MINDY4: variants seen among roughly 807,000 people sequenced by gnomAD.
MINDY4 encodes MINDY lysine 48 deubiquitinase 4, also known as probable ubiquitin carboxyl-terminal hydrolase MINDY-4.
MINDY4 carries 68 observed loss-of-function variants against 87.0 expected under a neutral mutation model. The ratio of observed to expected loss-of-function variants is 0.78; its 90% CI spans 0.64 to 0.96. MINDY4 has a LOEUF of 0.96. Ranked by LOEUF, MINDY4 falls within the 40% of genes least tolerant of loss-of-function variation. The probability of loss-of-function intolerance (pLI) is 0.00; values close to 1 mark genes in which losing one functional copy is unlikely to be tolerated. For synonymous variants in MINDY4, 379 were observed against 363.2 expected, an observed-to-expected ratio of 1.04 and a Z score of -0.50; for missense variants, 919 against 928.2, an observed-to-expected ratio of 0.99 and a Z score of 0.13.
chr7:30,884,794 A>G (rs1448349098), intron 17 of MINDY4, among the ~76,000 whole-genome samples: 3 of 152,118 alleles, frequency 2.0e-5, no homozygotes, highest in Non-Finnish European at 4.4e-5. Flanking sequence ...GCTCAGCTCT[A>G]ATTGACAATT....
chr7:30,890,223 G>A (rs1352301529), intron 17 of MINDY4, among the ~76,000 whole-genome samples: 2 of 152,208 alleles, frequency 1.3e-5, no homozygotes, highest in Non-Finnish European at 2.9e-5. Context: ...TTAACAAGAA[G>A]GTACAATTCA....
At chr7:30,876,834 G>A (rs7802447) in intron 15 of MINDY4, among the ~76,000 whole-genome samples, 33 of 152,134 alleles carry the variant, frequency 2.2e-4, no homozygotes, top group African/African-American at 7.2e-4. Context: ...GAACCAGGAC[G>A]CAGAGATTGA....
intron 5 of MINDY4, among the ~76,000 whole-genome samples, chr7:30,825,885 G>T (rs969058587): frequency 1.3e-5 from 2 of 152,204 alleles, no homozygotes; most frequent in African/African-American, 4.8e-5. Flanking sequence ...GTTCTGGAGG[G>T]CTGAATTTCC....
At chr7:30,815,638 G>A (rs934394773) in intron 5 of MINDY4, among the ~76,000 whole-genome samples, 1 of 152,234 alleles carries the variant, frequency 6.6e-6, no homozygotes, top group Admixed American at 6.5e-5. Flanking sequence ...GAATTTGAGT[G>A]TGTTCCAGAG....
intron 12 of MINDY4, 114 bp downstream of exon 12, chr7:30,853,573 G>T: frequency 1.1e-6 from 1 of 942,628 alleles, no homozygotes; most frequent in Admixed American, 2.0e-5. Context: ...CTGGGATGGC[G>T]AGGAAGCTGG....
chr7:30,864,944 G>A (rs755971007), intron 13 of MINDY4, among the ~76,000 whole-genome samples: 4 of 152,212 alleles, frequency 2.6e-5, no homozygotes, highest in African/African-American at 4.8e-5. Context: ...TGGGTGGTTC[G>A]TGGGGTGAGA....
chr7:30,773,832 C>T lies in MINDY4; in HGVS notation c.63+2276C>T, dbSNP rs115408224. On this transcript the variant is annotated intron_variant, in intron 1 of 17. Coordinates refer to ENST00000265299, the MANE Select transcript of MINDY4 (RefSeq NM_032222.3). Reference sequence around the variant, plus strand: ...CTCCAGCCTCACCACATCTATATTGCATTGTTCCTGCCAACTTTTCACAGT... The same window carrying T: ...CTCCAGCCTCACCACATCTATATTGTATTGTTCCTGCCAACTTTTCACAGT... 9.4e-3 allele frequency among the ~76,000 whole-genome samples: 1,430 copies of T among 152,302 alleles called. 22 individuals are homozygous for T. The highest frequency in any genetic ancestry group is 0.033 in the African/African-American group (1,354 of 41,558).
chr7:30,855,849 C>T (rs1447144793), intron 12 of MINDY4, among the ~76,000 whole-genome samples: 8 of 152,252 alleles, frequency 5.3e-5, no homozygotes, highest in African/African-American at 1.9e-4. Context: ...CGGCCCTCCT[C>T]ACTCTGGAAG....
Position 30,774,003 on chromosome 7 carries a change from C to T in MINDY4, c.63+2447C>T, listed in dbSNP as rs77115582. Among the ~76,000 whole-genome samples the T allele has an allele frequency of 2.9e-3, 445 of 152,310 alleles. 1 individual carries two copies. The highest frequency in any genetic ancestry group is 9.8e-3 in the African/African-American group (406 of 41,552). ...TTCCACTCGTCCTGCTCTACACTTG[C>T]GCCCATAGAGCTGAATGAGATTGGA... On this transcript the variant is annotated intron_variant, in intron 1 of 17. Transcript: ENST00000265299.
intron 13 of MINDY4, among the ~76,000 whole-genome samples, chr7:30,867,627 A>G (rs555719926): frequency 6.6e-6 from 1 of 152,298 alleles, no homozygotes; most frequent in African/African-American, 2.4e-5. Flanking sequence ...CTGCCCTTAC[A>G]CTATTGATGT....
At chr7:30,889,716 A>G (rs904204883) in intron 17 of MINDY4, among the ~76,000 whole-genome samples, 2 of 152,188 alleles carry the variant, frequency 1.3e-5, no homozygotes, top group African/African-American at 4.8e-5. Context: ...GAAGCACTTA[A>G]TTCTTCCACA....
In MINDY4 at chr7:30,882,206, G is replaced by A; in HGVS notation, c.1997G>A (p.Arg666Lys). ...CQVGCFLKTP[R>K]FPIWVVCSES... ...GTTGGCTGCTTCCTGAAGACCCCGA[G>A]GTTCCCCATCTGGGTGGTTTGCAGT... Residue 666 changes from arginine to lysine, a missense_variant, in exon 16 of 18, where the codon AGG becomes AAG. Coordinates refer to ENST00000265299, the MANE Select transcript of MINDY4 (RefSeq NM_032222.3). 1.9e-6 allele frequency: 3 copies of A among 1,611,376 alleles called. No individual in the cohort carries two copies. The highest frequency in any genetic ancestry group is 2.5e-6 in the Non-Finnish European group (3 of 1,177,830).
chr7:30,871,622 A>G (rs572751689), intron 13 of MINDY4, among the ~76,000 whole-genome samples: 120 of 152,330 alleles, frequency 7.9e-4, no homozygotes, highest in African/African-American at 2.8e-3. Context: ...GAAGGACTCC[A>G]TTCTGAGGGT....
intron 5 of MINDY4, among the ~76,000 whole-genome samples, chr7:30,827,278 A>T (rs953943911): frequency 1.3e-5 from 2 of 152,178 alleles, no homozygotes; most frequent in Non-Finnish European, 2.9e-5. Context: ...GAGGCACAGC[A>T]AGGGGAGGAT....
chr7:30,831,685 A>G (rs905097029), intron 6 of MINDY4, among the ~76,000 whole-genome samples: 1 of 152,080 alleles, frequency 6.6e-6, no homozygotes. Flanking sequence ...CTTCCAGAAG[A>G]TATCTTGTGG....
chr7:30,876,196 C>T (rs2128579765), intron 15 of MINDY4, among the ~76,000 whole-genome samples: 1 of 152,246 alleles, frequency 6.6e-6, no homozygotes, highest in Middle Eastern at 3.4e-3. Context: ...CCTTGGCATT[C>T]CTCGACCATA....
At chr7:30,842,543 A>ACT (rs1789073690) in intron 9 of MINDY4, among the ~76,000 whole-genome samples, 1 of 152,208 alleles carries the variant, frequency 6.6e-6, no homozygotes, top group Non-Finnish European at 1.5e-5. Context: ...AAAAATGTGC[A>ACT]GAGTGTGCTT....
At chr7:30,832,610 A>G (rs544201252) in intron 6 of MINDY4, among the ~76,000 whole-genome samples, 190 of 152,170 alleles carry the variant, frequency 1.2e-3, no homozygotes, top group Non-Finnish European at 2.0e-3. Context: ...CCTGGGTTCA[A>G]GTGATTCTCA....
chr7:30,822,229 G>A (rs1199979264), intron 5 of MINDY4, among the ~76,000 whole-genome samples: 1 of 151,410 alleles, frequency 6.6e-6, no homozygotes, highest in Non-Finnish European at 1.5e-5. Flanking sequence ...CCAGACTGGA[G>A]TGCAGTGGTG....
Sources: allele counts gnomAD v4.1 joint callset (sites outside exome capture counted in the v4.1 genomes callset), GRCh38; gene constraint gnomAD v4.1.1; transcripts MANE v1.5; gene names NCBI Gene and HGNC (gene_info 2026-07-23, HGNC 2026-07-21).